Variants in MFN1 observed in about 807,000 individuals in gnomAD.
MFN1 encodes the protein mitofusin 1, also known as mitofusin-1.
MFN1 carries 65 observed loss-of-function variants against 92.4 expected under a neutral mutation model. The observed-to-expected ratio is 0.70, with a 90% CI of 0.58 to 0.86. MFN1 has a LOEUF of 0.86. Among genes scored for constraint, MFN1 ranks in the 40% least tolerant of loss-of-function variants. The pLI is 0.00. For missense variants in MFN1, 781 were observed against 868.0 expected (o/e 0.90, Z 1.26); for synonymous variants, 297 against 300.9 (o/e 0.99, Z 0.13).
chr3:179,372,049 ATATT>A (rs1055844752), intron 9 of MFN1, among the ~76,000 whole-genome samples: 12 of 144,830 alleles, frequency 8.3e-5, no homozygotes, highest in Admixed American at 5.5e-4. Flanking sequence ...TATATTATAT[ATATT>A]TATTATATAT....
intron 14 of MFN1, among the ~76,000 whole-genome samples, chr3:179,384,450 T>G (rs1713592897): frequency 6.6e-6 from 1 of 152,110 alleles, no homozygotes; most frequent in African/African-American, 2.4e-5. Context: ...GTGTATCTTC[T>G]TTTGTGAAAT....
At chr3:179,366,969 C>T (rs563721209) in intron 7 of MFN1, among the ~76,000 whole-genome samples, 1 of 152,298 alleles carries the variant, frequency 6.6e-6, no homozygotes, top group African/African-American at 2.4e-5. Context: ...GCTCTGTCAC[C>T]CAGGCTGGAG....
At chr3:179,365,306 A>C (rs1341633882) in intron 7 of MFN1, 81 bp downstream of exon 7, 3 of 805,054 alleles carry the variant, frequency 3.7e-6, no homozygotes, top group Non-Finnish European at 5.7e-6. Flanking sequence ...TTGCTTATAG[A>C]ATAGAAAATT....
intron 4 of MFN1, among the ~76,000 whole-genome samples, chr3:179,360,863 A>G (rs915052257): frequency 6.6e-6 from 1 of 152,172 alleles, no homozygotes; most frequent in Non-Finnish European, 1.5e-5. Flanking sequence ...AATACTATTC[A>G]AGGCCGGGCA....
chr3:179,375,402 A>G, intron 10 of MFN1, 61 bp downstream of exon 10: 2 of 1,593,580 alleles, frequency 1.3e-6, no homozygotes, highest in Non-Finnish European at 8.6e-7. Flanking sequence ...TTTTGTTAAG[A>G]TGAGGTTTTA....
intron 9 of MFN1, among the ~76,000 whole-genome samples, chr3:179,370,602 G>C (rs1346324004): frequency 6.6e-6 from 1 of 151,838 alleles, no homozygotes; most frequent in Non-Finnish European, 1.5e-5. Flanking sequence ...AGTAGAGACG[G>C]GGTTACACAG....
intron 2 of MFN1, among the ~76,000 whole-genome samples, chr3:179,350,773 A>G (rs971190789): frequency 1.3e-5 from 2 of 152,234 alleles, no homozygotes; most frequent in African/African-American, 4.8e-5. Flanking sequence ...TGAGAAGCTT[A>G]ATTGGATGTG....
At chr3:179,367,817 G>T (rs13076179) in intron 8 of MFN1, among the ~76,000 whole-genome samples, 1 of 151,440 alleles carries the variant, frequency 6.6e-6, no homozygotes, top group African/African-American at 2.4e-5. Context: ...CAGCTTCTTG[G>T]GGGGCTGAGG....
chr3:179,375,087 TTTTA>T, intron 9 of MFN1, 129 bp from the exon 10 acceptor site: 2 of 1,032,340 alleles, frequency 1.9e-6, no homozygotes, highest in East Asian at 5.8e-5. Context: ...TAAGTTGTGC[TTTTA>T]TCACTCATTT....
chr3:179,349,102 T>C (rs1712037646), intron 2 of MFN1, 139 bp downstream of exon 2: 2 of 558,352 alleles, frequency 3.6e-6, no homozygotes, highest in Non-Finnish European at 5.8e-6. Context: ...ATAAAACCCC[T>C]TTCTAACCTC....
intron 17 of MFN1, among the ~76,000 whole-genome samples, chr3:179,391,391 A>G (rs550546618): frequency 2.6e-4 from 40 of 152,266 alleles, no homozygotes; most frequent in African/African-American, 9.1e-4. Context: ...TGGAATTTCC[A>G]TTTTTTACTA....
chr3:179,375,882 A>G (rs1196722883), intron 10 of MFN1, among the ~76,000 whole-genome samples: 1 of 152,218 alleles, frequency 6.6e-6, no homozygotes, highest in Non-Finnish European at 1.5e-5. Flanking sequence ...GTTACCTTGT[A>G]AAGGTGGCAA....
Position 179,394,861 on chromosome 3 carries a change from T to TAC in MFN1, c.*2803_*2804insCA, listed in dbSNP as rs1354218165. 2 of 152,260 alleles carry TAC rather than the reference T, an allele frequency of 1.3e-5. No individual in the cohort carries two copies. Among genetic ancestry groups the TAC allele is most frequent in the African/African-American group, 4.8e-5 (2 of 41,472 alleles). The allele number at this position is 152,260 out of a possible 1,614,324, so 9.4% of individuals were successfully genotyped here. On this transcript the variant is annotated 3_prime_UTR_variant, in exon 18 of 18. Transcript: ENST00000471841. ...TATGTTTGCAGGATTAAACTTTGTATAATCTTTTTACAAAAATTTTTTTTC... is the reference window on the plus strand; with the variant it reads ...TATGTTTGCAGGATTAAACTTTGTATACAATCTTTTTACAAAAATTTTTTTTC...
At chr3:179,352,366 GA>G (rs1452235240) in intron 3 of MFN1, among the ~76,000 whole-genome samples, 2 of 152,182 alleles carry the variant, frequency 1.3e-5, no homozygotes, top group African/African-American at 4.8e-5. Flanking sequence ...GAAAGTTTCA[GA>G]AGCTAGGATG....
At chr3:179,374,612 A>G (rs1461710893) in intron 9 of MFN1, among the ~76,000 whole-genome samples, 2 of 152,004 alleles carry the variant, frequency 1.3e-5, no homozygotes, top group African/African-American at 2.4e-5. Flanking sequence ...TGTACACACT[A>G]TATTCTAATG....
chr3:179,387,646 T>C (rs1053075854), intron 16 of MFN1, among the ~76,000 whole-genome samples: 4 of 124,060 alleles, frequency 3.2e-5, no homozygotes, highest in Non-Finnish European at 6.3e-5. Context: ...CAGGCTGGAG[T>C]GCAATGGCAC....
intron 1 of MFN1, 28 bp from the exon 2 acceptor site, chr3:179,348,817 G>A: frequency 6.2e-7 from 1 of 1,602,464 alleles, no homozygotes; most frequent in East Asian, 2.2e-5. Context: ...ACTTTAGTTG[G>A]TGCTTTTCTA....
chr3:179,385,101 G>C (rs1438961336), intron 14 of MFN1, among the ~76,000 whole-genome samples: 1 of 150,816 alleles, frequency 6.6e-6, no homozygotes, highest in Non-Finnish European at 1.5e-5. Flanking sequence ...TTTTATTAGA[G>C]ACAGGGTTTC....
chr3:179,358,253 C>A (rs1216902046), intron 3 of MFN1, among the ~76,000 whole-genome samples: 1 of 149,696 alleles, frequency 6.7e-6, no homozygotes, highest in East Asian at 2.0e-4. Flanking sequence ...TGGGTGCAAG[C>A]GATTCTTCTG....
Sources: allele counts gnomAD v4.1 joint callset (sites outside exome capture counted in the v4.1 genomes callset), GRCh38; gene constraint gnomAD v4.1.1; transcripts MANE v1.5; gene names NCBI Gene and HGNC (gene_info 2026-07-23, HGNC 2026-07-21).